The following ABLIM1 variants were observed in gnomAD, a reference collection of about 807,000 sequenced individuals.
ABLIM1 encodes the protein actin binding LIM protein 1.
ABLIM1 carries 40 observed loss-of-function variants against 107.0 expected under a neutral mutation model. The observed-to-expected ratio is 0.37, with a 90% CI of 0.29 to 0.49. ABLIM1 has a LOEUF of 0.49. ABLIM1 is among the 20% of genes least tolerant of loss of function. The pLI is 0.97. For synonymous variants in ABLIM1, 357 were observed against 357.3 expected, an observed-to-expected ratio of 1.00 and a Z score of 0.01; for missense variants, 857 against 1,008.5, an observed-to-expected ratio of 0.85 and a Z score of 2.04.
intron 2 of ABLIM1, among the ~76,000 whole-genome samples, chr10:114,585,946 T>C (rs896738225): frequency 2.8e-4 from 43 of 152,372 alleles, no homozygotes; most frequent in African/African-American, 9.9e-4. Flanking sequence ...TTATGCTTTA[T>C]GTCTTCCACA....
chr10:114,668,840 T>G (rs1253250414), intron 1 of ABLIM1, among the ~76,000 whole-genome samples: 1 of 152,208 alleles, frequency 6.6e-6, no homozygotes, highest in Non-Finnish European at 1.5e-5. Context: ...AGCTGGCAGC[T>G]GAGAATGCTG....
At chr10:114,737,099 A>C (rs2082196452) in intron 1 of ABLIM1, among the ~76,000 whole-genome samples, 1 of 148,952 alleles carries the variant, frequency 6.7e-6, no homozygotes, top group Non-Finnish European at 1.5e-5. Flanking sequence ...TGAGGCAGGC[A>C]GATCACTTGA....
At chr10:114,640,818 A>C (rs1193199199) in intron 1 of ABLIM1, among the ~76,000 whole-genome samples, 1 of 152,168 alleles carries the variant, frequency 6.6e-6, no homozygotes, top group Non-Finnish European at 1.5e-5. Context: ...TACTGAGTTG[A>C]GAGAATCTGG....
chr10:114,576,950 C>T (rs1008571234), intron 2 of ABLIM1, among the ~76,000 whole-genome samples: 5 of 152,200 alleles, frequency 3.3e-5, no homozygotes, highest in Non-Finnish European at 5.9e-5. Flanking sequence ...CACCTGCCAA[C>T]CTCTCCTCTG....
At chr10:114,625,232 T>C (rs1273173054) in intron 1 of ABLIM1, among the ~76,000 whole-genome samples, 1 of 152,156 alleles carries the variant, frequency 6.6e-6, no homozygotes, top group Non-Finnish European at 1.5e-5. Context: ...AGAAGATGCC[T>C]GGATAGTGAC....
chr10:114,789,520 G>A, the ABLIM1 span, among the ~76,000 whole-genome samples: 710 of 152,106 alleles, frequency 4.7e-3, 10 homozygotes, highest in African/African-American at 0.016. Flanking sequence ...AGGTAAACTC[G>A]TGAACTAATT....
intron 1 of ABLIM1, among the ~76,000 whole-genome samples, chr10:114,675,718 C>T (rs998689331): frequency 1.3e-5 from 2 of 152,180 alleles, no homozygotes; most frequent in South Asian, 2.1e-4. Context: ...TACAAAGTAT[C>T]GTAGACTGGG....
At chr10:114,758,519 T>A (rs1468377787) in intron 1 of ABLIM1, among the ~76,000 whole-genome samples, 2 of 152,098 alleles carry the variant, frequency 1.3e-5, no homozygotes, top group Non-Finnish European at 2.9e-5. Context: ...ACCCCAAACC[T>A]CTTTTCTACA....
chr10:114,526,976 G>A, intron 6 of ABLIM1: 3 of 985,346 alleles, frequency 3.0e-6, no homozygotes, highest in Non-Finnish European at 3.6e-6. Context: ...GCCAGTCCAT[G>A]TTCCCAAAAA....
intron 1 of ABLIM1, among the ~76,000 whole-genome samples, chr10:114,669,091 A>C (rs1361597919): frequency 6.6e-6 from 1 of 152,234 alleles, no homozygotes; most frequent in Non-Finnish European, 1.5e-5. Flanking sequence ...CTTGGAAAAA[A>C]TATGAAAACT....
At chr10:114,765,300 C>T (rs2082863953) in intron 1 of ABLIM1, among the ~76,000 whole-genome samples, 1 of 151,924 alleles carries the variant, frequency 6.6e-6, no homozygotes, top group Admixed American at 6.6e-5. Flanking sequence ...CCACCTCAGC[C>T]TCCCAAAGTG....
chr10:114,591,849 G>A (rs969553751), intron 2 of ABLIM1, among the ~76,000 whole-genome samples: 2 of 151,834 alleles, frequency 1.3e-5, no homozygotes, highest in Admixed American at 6.6e-5. Flanking sequence ...TCAAATATCC[G>A]ACATCCAAAA....
the ABLIM1 span, among the ~76,000 whole-genome samples, chr10:114,781,850 C>A: frequency 1.3e-5 from 2 of 151,808 alleles, no homozygotes; most frequent in South Asian, 4.1e-4. Context: ...AATTAAATTG[C>A]CAAAATCTAA....
intron 10 of ABLIM1, among the ~76,000 whole-genome samples, chr10:114,469,320 G>A (rs550685584): frequency 1.1e-4 from 17 of 152,094 alleles, no homozygotes; most frequent in Non-Finnish European, 2.2e-4. Context: ...TGGCTGCATC[G>A]CCAATCTCAC....
intron 11 of ABLIM1, among the ~76,000 whole-genome samples, chr10:114,466,639 C>G (rs1378027731): frequency 6.6e-6 from 1 of 152,096 alleles, no homozygotes; most frequent in East Asian, 1.9e-4. Flanking sequence ...GTACTGTCTA[C>G]GACATTGATC....
upstream of ABLIM1, among the ~76,000 whole-genome samples, chr10:114,769,415 AAAAG>A (rs1362442662): frequency 7.5e-6 from 1 of 133,594 alleles, no homozygotes; most frequent in Non-Finnish European, 1.6e-5. Flanking sequence ...AGAAAGAAAG[AAAAG>A]AAGGAAAGAA....
chr10:114,705,259 C>G (rs1457302513), intron 1 of ABLIM1, among the ~76,000 whole-genome samples: 1 of 152,142 alleles, frequency 6.6e-6, no homozygotes, highest in East Asian at 1.9e-4. Flanking sequence ...CTAGAACCAA[C>G]CAGTGTGAGG....
intron 1 of ABLIM1, among the ~76,000 whole-genome samples, chr10:114,750,661 T>G (rs1393025114): frequency 6.6e-6 from 1 of 152,222 alleles, no homozygotes; most frequent in African/African-American, 2.4e-5. Flanking sequence ...ATGTGTCCAC[T>G]CAATGCCATC....
At chr10:114,703,370 T>A (rs568824804) in intron 1 of ABLIM1, among the ~76,000 whole-genome samples, 1 of 152,354 alleles carries the variant, frequency 6.6e-6, no homozygotes. Context: ...TAACCTTGAC[T>A]ATGGCATGTT....
Sources: allele counts gnomAD v4.1 joint callset (sites outside exome capture counted in the v4.1 genomes callset), GRCh38; gene constraint gnomAD v4.1.1; transcripts MANE v1.5; gene names NCBI Gene and HGNC (gene_info 2026-07-23, HGNC 2026-07-21).